PTPRT: variants seen among roughly 807,000 people sequenced by gnomAD.
PTPRT encodes the protein receptor-type tyrosine-protein phosphatase T.
A neutral mutation model predicts 176.8 loss-of-function variants in PTPRT; 56 were observed. The observed-to-expected ratio is 0.32, with a 90% CI of 0.26 to 0.40. The LOEUF (loss-of-function observed/expected upper bound fraction) is 0.40. PTPRT is among the 10% of genes least tolerant of loss of function. The pLI, the probability that PTPRT is intolerant of heterozygous loss-of-function variation, is 1.00. For missense variants in PTPRT, 1,540 were observed against 1,908.2 expected (o/e 0.81, Z 3.60); for synonymous variants, 783 against 739.0 (o/e 1.06, Z -0.96).
chr20:43,034,556 AATT>A (rs967726683), intron 1 of PTPRT, among the ~76,000 whole-genome samples: 1 of 151,284 alleles, frequency 6.6e-6, no homozygotes, highest in African/African-American at 2.4e-5. Flanking sequence ...AAAAAAAAAA[AATT>A]AAACAGCCTC....
intron 2 of PTPRT, among the ~76,000 whole-genome samples, chr20:42,807,267 T>A (rs1481518367): frequency 6.6e-6 from 1 of 152,222 alleles, no homozygotes; most frequent in East Asian, 1.9e-4. Context: ...GCTCTGTTTT[T>A]CCGACCATTC....
In PTPRT at chr20:43,084,497, T is replaced by A. The variant is rs148412544; in HGVS notation, c.88+105149A>T. On this transcript the variant is annotated intron_variant, in intron 1 of 30. Transcript: ENST00000373187. ...TTAAAGCATCAGATCTCATGAGAAC[T>A]CACTCACTATCATGAGAACAGCATG... Among the ~76,000 whole-genome samples, 17 of 152,246 alleles carry A rather than the reference T, an allele frequency of 1.1e-4. No individual in the cohort carries two copies. The East Asian group carries it at 3.3e-3, about 29-fold the overall frequency.
At chr20:42,193,981 C>A (rs748055042) in intron 16 of PTPRT, among the ~76,000 whole-genome samples, 9 of 152,066 alleles carry the variant, frequency 5.9e-5, no homozygotes, top group Non-Finnish European at 1.3e-4. Context: ...TACGACTCTG[C>A]AATATATGTA....
At chr20:42,118,737 C>A (rs971345252) in intron 20 of PTPRT, among the ~76,000 whole-genome samples, 20 of 152,192 alleles carry the variant, frequency 1.3e-4, no homozygotes, top group African/African-American at 3.9e-4. Flanking sequence ...GCAGCATCTA[C>A]TGGAAATGTT....
chr20:43,060,843 A>T (rs1277765432), intron 1 of PTPRT, among the ~76,000 whole-genome samples: 1 of 152,208 alleles, frequency 6.6e-6, no homozygotes, highest in East Asian at 1.9e-4. Context: ...GAGGAGGAGA[A>T]CTAAAGGGCA....
intron 1 of PTPRT, among the ~76,000 whole-genome samples, chr20:42,906,760 C>T (rs1265347257): frequency 2.0e-5 from 3 of 152,214 alleles, no homozygotes; most frequent in South Asian, 2.1e-4. Flanking sequence ...GAACTTTTCC[C>T]GTTTCAGTCT....
chr20:42,182,247 A>C (rs1376113888), intron 16 of PTPRT, among the ~76,000 whole-genome samples: 1 of 152,184 alleles, frequency 6.6e-6, no homozygotes, highest in East Asian at 1.9e-4. Context: ...CCAATAACGG[A>C]TTTTTGGTTG....
chr20:42,156,763 T>C (rs1178777065), intron 17 of PTPRT, among the ~76,000 whole-genome samples: 1 of 152,218 alleles, frequency 6.6e-6, no homozygotes, highest in East Asian at 1.9e-4. Flanking sequence ...CTCCATCTTT[T>C]AAATATATTC....
In PTPRT at chr20:42,770,302, A is replaced by C. The variant is rs2077044004; in HGVS notation, c.684+1133T>G. Among the ~76,000 whole-genome samples the C allele has an allele frequency of 1.3e-5, 2 of 152,234 alleles. 1 individual carries two copies. The highest frequency in any genetic ancestry group is 4.1e-4 in the South Asian group (2 of 4,822). Reference sequence around the variant, plus strand: ...CACGCCCAGCTAATTTTTCTATAGAAATAATTATTTTCATGTCAAATCACC... The same window carrying C: ...CACGCCCAGCTAATTTTTCTATAGACATAATTATTTTCATGTCAAATCACC... On this transcript the variant is annotated intron_variant, in intron 5 of 30. Transcript: ENST00000373187.
intron 9 of PTPRT, among the ~76,000 whole-genome samples, chr20:42,425,107 T>C (rs6030218): frequency 0.7 from 105,832 of 151,780 alleles, 36,953 homozygotes; most frequent in East Asian, 0.77. Flanking sequence ...TCTGTATTAC[T>C]CAAACATCCA....
intron 7 of PTPRT, among the ~76,000 whole-genome samples, chr20:42,669,290 G>C (rs984902931): frequency 6.6e-6 from 1 of 152,072 alleles, no homozygotes; most frequent in Admixed American, 6.5e-5. Flanking sequence ...CTTCGAGCAT[G>C]GTGTGGCATG....
chr20:42,810,921 T>C (rs940572367), intron 2 of PTPRT, among the ~76,000 whole-genome samples: 3 of 152,248 alleles, frequency 2.0e-5, no homozygotes, highest in African/African-American at 4.8e-5. Flanking sequence ...TCTGACTATA[T>C]AACTTAGAAC....
chr20:43,107,092 T>C (rs2012648395), intron 1 of PTPRT, among the ~76,000 whole-genome samples: 1 of 152,190 alleles, frequency 6.6e-6, no homozygotes, highest in South Asian at 2.1e-4. Context: ...ACCTGGCCAG[T>C]ATTTTTAACT....
At chr20:42,698,502 T>TA (rs1339973799) in intron 6 of PTPRT, among the ~76,000 whole-genome samples, 1 of 151,942 alleles carries the variant, frequency 6.6e-6, no homozygotes, top group East Asian at 1.9e-4. Flanking sequence ...TATCCCACTC[T>TA]AAAAAAAATA....
At chr20:42,520,622 A>C (rs2072154437) in intron 7 of PTPRT, among the ~76,000 whole-genome samples, 1 of 151,904 alleles carries the variant, frequency 6.6e-6, no homozygotes, top group Non-Finnish European at 1.5e-5. Flanking sequence ...CTACATGCTT[A>C]CTCTAACTTC....
chr20:42,034,389 A>G, the PTPRT span, among the ~76,000 whole-genome samples: 33,229 of 151,916 alleles, frequency 0.22, 6,857 homozygotes, highest in African/African-American at 0.55. Flanking sequence ...AAAGGGAGAG[A>G]GGGAGAGAGG....
intron 9 of PTPRT, among the ~76,000 whole-genome samples, chr20:42,394,572 A>T (rs2058830859): frequency 6.6e-6 from 1 of 152,228 alleles, no homozygotes; most frequent in Non-Finnish European, 1.5e-5. Context: ...TGTTTTTAAA[A>T]TAATGAATTA....
At chr20:43,152,085 C>T (rs1317840516) in intron 1 of PTPRT, among the ~76,000 whole-genome samples, 3 of 152,088 alleles carry the variant, frequency 2.0e-5, no homozygotes, top group Non-Finnish European at 2.9e-5. Context: ...CATTCCTCGT[C>T]ATGGAAACAA....
chr20:42,151,585 A>C (rs1490277215), intron 17 of PTPRT, among the ~76,000 whole-genome samples: 1 of 152,178 alleles, frequency 6.6e-6, no homozygotes, highest in East Asian at 1.9e-4. Flanking sequence ...CTTTGCTATT[A>C]TAAATAGTGC....
Sources: allele counts gnomAD v4.1 joint callset (sites outside exome capture counted in the v4.1 genomes callset), GRCh38; gene constraint gnomAD v4.1.1; transcripts MANE v1.5; gene names NCBI Gene and HGNC (gene_info 2026-07-23, HGNC 2026-07-21).